MICA: variants seen among roughly 807,000 people sequenced by gnomAD.
MICA encodes HLA class I antigen.
MICA carries 18 observed loss-of-function variants against 34.3 expected under a neutral mutation model. That is an observed-to-expected ratio of 0.52 (90% CI 0.36 to 0.78). The LOEUF is 0.78. Ranked by LOEUF, MICA falls within the 30% of genes least tolerant of loss-of-function variation. The pLI is 0.00. For synonymous variants in MICA, 135 were observed against 156.9 expected, an observed-to-expected ratio of 0.86 and a Z score of 1.04; for missense variants, 333 against 409.4, an observed-to-expected ratio of 0.81 and a Z score of 1.61.
At chr6:31,414,102 GC>G (rs989006506) in intron 5 of MICA, among the ~76,000 whole-genome samples, 12 of 152,110 alleles carry the variant, frequency 7.9e-5, no homozygotes, top group Admixed American at 7.9e-4. Flanking sequence ...CAAATTTGGA[GC>G]CCCCTCTCCA....
intron 1 of MICA, among the ~76,000 whole-genome samples, chr6:31,410,023 C>T (rs1771003720): frequency 6.6e-6 from 1 of 151,664 alleles, no homozygotes; most frequent in Admixed American, 6.6e-5. Context: ...TTCTCTGGGG[C>T]TACAACCTTC....
chr6:31,403,513 G>C, upstream of MICA: 1 of 774,952 alleles, frequency 1.3e-6, no homozygotes, highest in Non-Finnish European at 1.9e-6. The surrounding 1 kb of genome is among the most constrained non-coding windows in gnomAD (Gnocchi z 4.7). Flanking sequence ...TTGGCCCTAA[G>C]TTCCGGGCCC....
In MICA at chr6:31,411,980, C is replaced by T. The variant is rs1025201583; in HGVS notation, c.647C>T (p.Ala216Val). The T allele has an allele frequency of 1.5e-5, 24 of 1,612,970 alleles. No homozygotes were observed. In the African/African-American group the frequency reaches 2.5e-4, roughly 17 times the overall value. Residue 216 changes from alanine to valine, a missense_variant, in exon 4 of 6, where the codon GCC becomes GTC. Transcript: ENST00000449934. This position sits in a 1 kb window ranked among gnomAD's most constrained non-coding sequence, Gnocchi z 4.3. ...ATGGTGAATGTCACCCGCAGCGAGG[C>T]CTCAGAGGGCAACATCACCGTGACA... ...PPMVNVTRSEASEGNITVTCR... is the reference protein window; with the variant it reads ...PPMVNVTRSEVSEGNITVTCR...
At position 31,411,643 on chromosome 6, in the gene MICA, G is replaced by T. The variant is rs767540096; in HGVS notation, c.613+284G>T. On this transcript the variant is annotated intron_variant, in intron 3 of 5. Transcript: ENST00000449934. The surrounding 1 kb of genome is among the most constrained non-coding windows in gnomAD (Gnocchi z 4.3). ...AGAGGAAGCCTTCAGGGCCAGGGCT[G>T]CCCCCTCTGCCTCCCAGCCTGCCCA... 6.6e-6 allele frequency among the ~76,000 whole-genome samples: 1 copy of T among 151,734 alleles called. No homozygotes were observed. Among genetic ancestry groups the T allele is most frequent in the Non-Finnish European group, 1.5e-5 (1 of 67,994 alleles).
At chr6:31,403,326 C>T (rs773987024), upstream of MICA, among the ~76,000 whole-genome samples, 2 of 151,782 alleles carry the variant, frequency 1.3e-5, no homozygotes, top group African/African-American at 2.4e-5. This position sits in a 1 kb window ranked among gnomAD's most constrained non-coding sequence, Gnocchi z 4.7. Flanking sequence ...GGGCCCTGGC[C>T]GTGCTTATGA....
At chr6:31,408,411 A>G (rs1770859999) in intron 1 of MICA, among the ~76,000 whole-genome samples, 1 of 151,948 alleles carries the variant, frequency 6.6e-6, no homozygotes, top group Non-Finnish European at 1.5e-5. Context: ...GAACAGTTTG[A>G]ATAGGACTGA....
At chr6:31,408,628 G>A (rs1183210127) in intron 1 of MICA, among the ~76,000 whole-genome samples, 1 of 151,730 alleles carries the variant, frequency 6.6e-6, no homozygotes, top group Non-Finnish European at 1.5e-5. Context: ...TTGTTTCTAT[G>A]AATTTGACCA....
At position 31,411,809 on chromosome 6, in the gene MICA, C is replaced by T. The variant is rs563957994; in HGVS notation, c.614-138C>T. ...CTGCCAGCCTGGAAGAACTGGGCCC[C>T]AGAGTGAGGACAGACTTGCAGGTCA... On this transcript the variant is annotated intron_variant, in intron 3 of 5. Coordinates refer to ENST00000449934, the MANE Select transcript of MICA (RefSeq NM_001177519.3). This position sits in a 1 kb window ranked among gnomAD's most constrained non-coding sequence, Gnocchi z 4.3. The T allele has an allele frequency of 7.4e-7, 1 of 1,348,672 alleles. No homozygotes were observed. The highest frequency in any genetic ancestry group is 2.5e-5 in the East Asian group (1 of 39,576). 83.5% of individuals were successfully genotyped at this position (1,348,672 alleles called of 1,614,324 possible). A position where few individuals can be genotyped will look rare whatever the true frequency, so the allele number is the denominator to read the frequency against.
rs758486708 is a variant in MICA at position 31,403,647 on chromosome 6, G to A, written c.15G>A (p.Pro5=). The A allele has an allele frequency of 2.0e-6, 3 of 1,528,998 alleles. No individual in the cohort carries two copies. Among genetic ancestry groups the A allele is most frequent in the African/African-American group, 2.8e-5 (2 of 70,714 alleles). The allele number at this position is 1,528,998 out of a possible 1,614,324, so 94.7% of individuals were successfully genotyped here. A position where few individuals can be genotyped will look rare whatever the true frequency, so the allele number is the denominator to read the frequency against. The change falls in exon 1 of 6, where the codon CCG becomes CCA. Residue 5 remains proline, a synonymous_variant. Transcript: ENST00000449934. This position sits in a 1 kb window ranked among gnomAD's most constrained non-coding sequence, Gnocchi z 4.7. The part of the protein sequence containing the change: MGLG[P]VFLLLAGIFP... ...ACGTCGGGGCCATGGGGCTGGGCCCGGTCTTTCTGCTTCTGGCTGGCATCT... is the reference window on the plus strand; with the variant it reads ...ACGTCGGGGCCATGGGGCTGGGCCCAGTCTTTCTGCTTCTGGCTGGCATCT...
chr6:31,411,353 A>C lies in MICA; in HGVS notation c.607A>C (p.Arg203=), dbSNP rs1160517262. 6.4e-7 allele frequency: 1 copy of C among 1,565,642 alleles called. No individual in the cohort carries two copies. Among genetic ancestry groups the C allele is most frequent in the Non-Finnish European group, 8.7e-7 (1 of 1,155,852 alleles). Residue 203 remains arginine, a synonymous_variant, in exon 3 of 6, where the codon AGA becomes CGA. Transcript: ENST00000449934. The surrounding 1 kb of genome is among the most constrained non-coding windows in gnomAD (Gnocchi z 4.3). ...TCTAGAATCCGGCGTAGTCCTGAGG[A>C]GAACAGGTACCGACGCTGGCCAGGG... ...RYLESGVVLR[R]TVPPMVNVTR...
chr6:31,413,664 T>C (rs1256935774), intron 5 of MICA, among the ~76,000 whole-genome samples: 2 of 151,896 alleles, frequency 1.3e-5, no homozygotes, highest in Non-Finnish European at 2.9e-5. Context: ...TGGGAAGGTT[T>C]GTCCCCTGCC....
chr6:31,409,435 T>A (rs1325989515), intron 1 of MICA, among the ~76,000 whole-genome samples: 1 of 151,862 alleles, frequency 6.6e-6, no homozygotes, highest in Non-Finnish European at 1.5e-5. Context: ...CATCTTTTCA[T>A]GTGTTTGTTG....
chr6:31,407,294 G>A (rs965727080), intron 1 of MICA, among the ~76,000 whole-genome samples: 1 of 151,904 alleles, frequency 6.6e-6, no homozygotes, highest in Admixed American at 6.6e-5. Flanking sequence ...TAGAATGCAA[G>A]GGTGTGATCT....
chr6:31,408,061 A>T (rs1168413540), intron 1 of MICA, among the ~76,000 whole-genome samples: 2 of 151,768 alleles, frequency 1.3e-5, no homozygotes, highest in Non-Finnish European at 2.9e-5. Context: ...TCATGAAGGG[A>T]TGTTGAATTT....
chr6:31,415,233 A>G lies in MICA; in HGVS notation c.*251A>G, dbSNP rs1193163410. The stretch of plus-strand genomic sequence containing the variant: ...CTCAGTTTCCTGACCTATGAAACAG[A>G]GAAAATAAAAGCACTTATTTATTGT... On this transcript the variant is annotated 3_prime_UTR_variant, in exon 6 of 6. Transcript: ENST00000449934. The G allele has an allele frequency of 6.6e-6, 4 of 606,170 alleles. No individual in the cohort carries two copies. Among genetic ancestry groups the G allele is most frequent in the Non-Finnish European group, 1.2e-5 (4 of 335,146 alleles). The allele number at this position is 606,170 out of a possible 1,614,324, so 37.5% of individuals were successfully genotyped here. A position where few individuals can be genotyped will look rare whatever the true frequency, so the allele number is the denominator to read the frequency against.
chr6:31,408,976 G>A (rs1214359817), intron 1 of MICA, among the ~76,000 whole-genome samples: 1 of 150,302 alleles, frequency 6.7e-6, no homozygotes, highest in Non-Finnish European at 1.5e-5. Flanking sequence ...CTGCACTCCA[G>A]CCTGGGCAAC....
upstream of MICA, among the ~76,000 whole-genome samples, chr6:31,402,527 C>A (rs1474420402): frequency 6.6e-6 from 1 of 151,802 alleles, no homozygotes; most frequent in African/African-American, 2.4e-5. Context: ...GCTTGGAGCA[C>A]TCTGGTTGTA....
At chr6:31,405,241 G>A (rs202036493) in intron 1 of MICA, among the ~76,000 whole-genome samples, 4,144 of 150,756 alleles carry the variant, frequency 0.027, 74 homozygotes, top group South Asian at 0.046. Flanking sequence ...GACCCCAGTG[G>A]GCTCTCACTC....
At position 31,408,645 on chromosome 6, in the gene MICA, G is replaced by A. The variant is rs148814200; in HGVS notation, c.71-1898G>A. Among the ~76,000 whole-genome samples the A allele has an allele frequency of 2.9e-3, 436 of 151,684 alleles. 16 individuals are homozygous for A. The East Asian group carries it at 0.052, about 18-fold the overall frequency. The stretch of plus-strand genomic sequence containing the variant: ...GTTTCTATGAATTTGACCACTCTAG[G>A]TACCTCATTTAAGCAGAATCATGTA... On this transcript the variant is annotated intron_variant, in intron 1 of 5. Transcript: ENST00000449934.
Sources: allele counts gnomAD v4.1 joint callset (sites outside exome capture counted in the v4.1 genomes callset), GRCh38; gene constraint gnomAD v4.1.1; non-coding constraint Gnocchi (gnomAD v3.1); transcripts MANE v1.5; gene names NCBI Gene and HGNC (gene_info 2026-07-23, HGNC 2026-07-21).